MACROD2: variants seen among roughly 807,000 people sequenced by gnomAD.
The protein encoded by MACROD2 is ADP-ribose glycohydrolase MACROD2.
A neutral mutation model predicts 70.4 loss-of-function variants in MACROD2; 36 were observed. The observed-to-expected ratio is 0.51, with a 90% CI of 0.39 to 0.68. The LOEUF is 0.68. MACROD2 is among the 30% of genes least tolerant of loss of function. The pLI is 0.00. For missense variants in MACROD2, 496 were observed against 538.4 expected (o/e 0.92, Z 0.78); for synonymous variants, 172 against 178.8 (o/e 0.96, Z 0.30).
intron 5 of MACROD2, among the ~76,000 whole-genome samples, chr20:14,935,941 C>T (rs2074336912): frequency 1.3e-5 from 2 of 152,136 alleles, no homozygotes; most frequent in South Asian, 4.1e-4. Context: ...AACCTATTCA[C>T]CCATCCTTCC....
intron 15 of MACROD2, among the ~76,000 whole-genome samples, chr20:16,032,763 G>GGGAGGAGGGA (rs2067170910): frequency 1.9e-5 from 1 of 53,130 alleles, no homozygotes; most frequent in Non-Finnish European, 4.0e-5. Context: ...GGAGGGAAGA[G>GGGAGGAGGGA]AGGAAGGAAG....
chr20:14,504,099 C>A (rs2084944378), intron 4 of MACROD2, among the ~76,000 whole-genome samples: 1 of 152,170 alleles, frequency 6.6e-6, no homozygotes, highest in Admixed American at 6.5e-5. Context: ...ATAGATTTCA[C>A]AATGACATGG....
chr20:15,876,105 A>AAATATATATATAT (rs1568611867), intron 9 of MACROD2, among the ~76,000 whole-genome samples: 1 of 21,456 alleles, frequency 4.7e-5, no homozygotes, highest in African/African-American at 7.3e-5. Context: ...ATATATATAT[A>AAATATATATATAT]TATATATGTG....
chr20:15,969,309 A>G (rs79783655), intron 13 of MACROD2, among the ~76,000 whole-genome samples: 1,691 of 152,280 alleles, frequency 0.011, 27 homozygotes, highest in African/African-American at 0.038. Flanking sequence ...TCCAGCACAC[A>G]CATAAAAAAT....
intron 8 of MACROD2, among the ~76,000 whole-genome samples, chr20:15,521,243 G>A (rs956732905): frequency 6.6e-6 from 1 of 152,016 alleles, no homozygotes; most frequent in African/African-American, 2.4e-5. Context: ...TTTTCTTTTC[G>A]GTTTGCCTTC....
At chr20:15,364,486 G>T (rs1264364412) in intron 6 of MACROD2, among the ~76,000 whole-genome samples, 1 of 152,162 alleles carries the variant, frequency 6.6e-6, no homozygotes, top group East Asian at 1.9e-4. Flanking sequence ...ACCTAGTGTT[G>T]GAGAAATGGT....
intron 6 of MACROD2, among the ~76,000 whole-genome samples, chr20:15,234,727 G>C (rs1284210468): frequency 2.0e-5 from 3 of 152,064 alleles, no homozygotes; most frequent in Non-Finnish European, 2.9e-5. Context: ...GTGTATATTG[G>C]TGAAAATCTT....
chr20:15,102,291 A>C (rs1184206846), intron 5 of MACROD2, among the ~76,000 whole-genome samples: 1 of 152,118 alleles, frequency 6.6e-6, no homozygotes, highest in East Asian at 1.9e-4. Context: ...ATCTAACTAT[A>C]TGAAATATTG....
At chr20:15,677,975 G>A (rs376344153) in intron 8 of MACROD2, among the ~76,000 whole-genome samples, 4 of 152,130 alleles carry the variant, frequency 2.6e-5, no homozygotes, top group South Asian at 4.1e-4. Flanking sequence ...TGAAGCAGGA[G>A]AATGACTTGA....
chr20:14,653,934 T>G (rs1245611245), intron 4 of MACROD2, among the ~76,000 whole-genome samples: 1 of 152,168 alleles, frequency 6.6e-6, no homozygotes, highest in Non-Finnish European at 1.5e-5. Flanking sequence ...GTTGCTTGCT[T>G]GACAGTACCT....
Position 14,085,678 on chromosome 20 carries a change from T to C in MACROD2, c.221T>C (p.Leu74Pro). 1 of 1,573,788 alleles carries C rather than the reference T, an allele frequency of 6.4e-7. No homozygotes were observed. Among genetic ancestry groups the C allele is most frequent in the Non-Finnish European group, 8.6e-7 (1 of 1,159,282 alleles). ...VKKSLTEKVS[L>P]YRGDITLLEV... is the part of the protein sequence containing the mutation. The stretch of plus-strand genomic sequence containing the variant: ...AAAAGTTTGACTGAAAAAGTTTCTC[T>C]CTATAGAGGTGACATCACATTGCTA... Residue 74 changes from leucine to proline, a missense_variant, in exon 3 of 18, where the codon CTC becomes CCC. Leu to Pro is a moderately conservative substitution (Grantham distance 98, BLOSUM62 -3). Coordinates refer to ENST00000684519, the MANE Select transcript of MACROD2 (RefSeq NM_001351661.2).
intron 8 of MACROD2, among the ~76,000 whole-genome samples, chr20:15,716,193 C>T (rs981655603): frequency 7.9e-5 from 12 of 152,084 alleles, no homozygotes; most frequent in Middle Eastern, 3.2e-3. Context: ...CCCAAATATC[C>T]GCTTAAAAAA....
intron 10 of MACROD2, among the ~76,000 whole-genome samples, chr20:15,908,234 A>G (rs926997519): frequency 5.3e-5 from 8 of 151,980 alleles, no homozygotes; most frequent in Admixed American, 2.0e-4. Flanking sequence ...GAATGGGGGG[A>G]AAAGTACTAA....
intron 5 of MACROD2, among the ~76,000 whole-genome samples, chr20:14,880,899 T>G (rs888859334): frequency 6.6e-6 from 1 of 152,162 alleles, no homozygotes; most frequent in African/African-American, 2.4e-5. Flanking sequence ...TGGGAGCTAC[T>G]GCCGCCCAGC....
intron 8 of MACROD2, among the ~76,000 whole-genome samples, chr20:15,632,778 C>T (rs2049309702): frequency 6.6e-6 from 1 of 151,864 alleles, no homozygotes; most frequent in South Asian, 2.1e-4. Context: ...TGCCTACTTT[C>T]CGTTCTCCTT....
intron 5 of MACROD2, among the ~76,000 whole-genome samples, chr20:15,174,021 C>A (rs888106853): frequency 6.6e-6 from 1 of 152,178 alleles, no homozygotes; most frequent in Non-Finnish European, 1.5e-5. Context: ...AGTCTGAGTG[C>A]AGCATAATTT....
rs1324268196 is a variant in MACROD2 at position 16,051,530 on chromosome 20, T to G, written c.*1654T>G. The G allele has an allele frequency of 6.6e-6, 1 of 152,194 alleles. No individual in the cohort carries two copies. The highest frequency in any genetic ancestry group is 1.5e-5 in the Non-Finnish European group (1 of 68,036). The allele number at this position is 152,194 out of a possible 1,614,324, so 9.4% of individuals were successfully genotyped here. A position where few individuals can be genotyped will look rare whatever the true frequency, so the allele number is the denominator to read the frequency against. ...ATCAAGACATCAGCAAGAATGACAT[T>G]TACGTGACCTCATAATGTGGGATTA... is the stretch of plus-strand genomic sequence containing the variant. On this transcript the variant is annotated 3_prime_UTR_variant, in exon 18 of 18. Transcript: ENST00000684519.
At chr20:16,019,021 A>G (rs6135641) in intron 15 of MACROD2, among the ~76,000 whole-genome samples, 48,571 of 152,038 alleles carry the variant, frequency 0.32, 7,829 homozygotes, top group African/African-American at 0.35. Flanking sequence ...ACTCTCCCCA[A>G]TAAAACAATA....
chr20:14,888,774 T>A (rs1027014835), intron 5 of MACROD2: 5 of 152,188 alleles, frequency 3.3e-5, no homozygotes, highest in African/African-American at 1.2e-4. Flanking sequence ...GAACTGTAAT[T>A]TAAAACATGT....
Sources: gnomAD v4.1 joint callset for allele counts (sites outside exome capture counted in the v4.1 genomes callset) on GRCh38, gnomAD v4.1.1 for gene constraint, MANE v1.5 for transcripts, NCBI Gene and HGNC (gene_info 2026-07-23, HGNC 2026-07-21) for gene names.